The following LYPD6B variants were observed in gnomAD, a reference collection of about 807,000 sequenced individuals.
LYPD6B encodes the protein ly6/PLAUR domain-containing protein 6B.
Under a neutral mutation model 22.8 loss-of-function variants are expected in LYPD6B, and 17 were observed. The ratio of observed to expected loss-of-function variants is 0.75; its 90% CI spans 0.51 to 1.12. The LOEUF (loss-of-function observed/expected upper bound fraction) is 1.12, where lower values mean the gene tolerates loss of function less well. LYPD6B is among the 50% of genes most tolerant of loss of function. The probability of loss-of-function intolerance (pLI) is 0.00; values close to 1 mark genes in which losing one functional copy is unlikely to be tolerated. For missense variants in LYPD6B, 221 were observed against 258.3 expected (o/e 0.86, Z 0.99); for synonymous variants, 106 against 91.6 (o/e 1.16, Z -0.90).
intron 3 of LYPD6B, chr2:149,188,772 G>GTAGC (rs1692292840): frequency 1.6e-6 from 1 of 642,962 alleles, no homozygotes; most frequent in Non-Finnish European, 1.9e-6. Context: ...TTTCATGTGG[G>GTAGC]TAGCTAGTAT....
chr2:149,159,585 TGTGC>T (rs969930157), intron 2 of LYPD6B, among the ~76,000 whole-genome samples: 1 of 102,212 alleles, frequency 9.8e-6, no homozygotes, highest in African/African-American at 4.4e-5. Context: ...AGAGCATATG[TGTGC>T]GTGTGTGTGT....
intron 2 of LYPD6B, among the ~76,000 whole-genome samples, chr2:149,141,757 A>G (rs1559027612): frequency 6.6e-6 from 1 of 152,212 alleles, no homozygotes; most frequent in Non-Finnish European, 1.5e-5. Context: ...ATGGCTCAGA[A>G]CAACAGAAAT....
chr2:149,191,654 T>C (rs1056829643), intron 3 of LYPD6B, among the ~76,000 whole-genome samples: 2 of 152,182 alleles, frequency 1.3e-5, no homozygotes, highest in Admixed American at 6.5e-5. Flanking sequence ...CTCCAACTCA[T>C]ACTATATAAA....
At chr2:149,093,322 G>GTGGAGGAAAGGCC (rs1297626934) in intron 1 of LYPD6B, among the ~76,000 whole-genome samples, 6 of 152,202 alleles carry the variant, frequency 3.9e-5, no homozygotes, top group African/African-American at 1.4e-4. Flanking sequence ...AGATGCATAT[G>GTGGAGGAAAGGCC]TGGAGGAAAG....
intron 3 of LYPD6B, among the ~76,000 whole-genome samples, chr2:149,164,618 T>C (rs73963728): frequency 0.02 from 3,014 of 152,332 alleles, 105 homozygotes; most frequent in African/African-American, 0.068. Context: ...AAATCCTGTA[T>C]TCCCACGATA....
At chr2:149,182,655 C>A (rs1358468074) in intron 3 of LYPD6B, among the ~76,000 whole-genome samples, 1 of 152,182 alleles carries the variant, frequency 6.6e-6, no homozygotes, top group Non-Finnish European at 1.5e-5. Context: ...ATCAGCACTG[C>A]CTCTCTAAAG....
At chr2:149,053,276 C>G (rs1391229303) in intron 1 of LYPD6B, among the ~76,000 whole-genome samples, 4 of 152,134 alleles carry the variant, frequency 2.6e-5, no homozygotes, top group Non-Finnish European at 5.9e-5. Context: ...AACAGTATAT[C>G]ATAAACATAA....
At chr2:149,070,160 C>G (rs1387396962) in intron 1 of LYPD6B, among the ~76,000 whole-genome samples, 1 of 152,036 alleles carries the variant, frequency 6.6e-6, no homozygotes, top group African/African-American at 2.4e-5. Flanking sequence ...CCAGTGAGCA[C>G]CAGGCTTCAC....
At chr2:149,088,752 A>G (rs1356188675) in intron 1 of LYPD6B, among the ~76,000 whole-genome samples, 1 of 152,232 alleles carries the variant, frequency 6.6e-6, no homozygotes, top group Non-Finnish European at 1.5e-5. Context: ...CAATGACTAA[A>G]CAAAACGTTG....
chr2:149,152,319 T>C (rs1452176772), intron 2 of LYPD6B, among the ~76,000 whole-genome samples: 2 of 152,334 alleles, frequency 1.3e-5, no homozygotes, highest in South Asian at 4.1e-4. Flanking sequence ...TGCTAGATCA[T>C]GGGGTATGTA....
At chr2:149,189,742 G>A (rs1692375856) in intron 3 of LYPD6B, among the ~76,000 whole-genome samples, 1 of 152,128 alleles carries the variant, frequency 6.6e-6, no homozygotes, top group Non-Finnish European at 1.5e-5. Flanking sequence ...TTAGACAACT[G>A]TGAATGTGCT....
chr2:149,177,707 C>T (rs1691411966), intron 3 of LYPD6B, among the ~76,000 whole-genome samples: 1 of 152,150 alleles, frequency 6.6e-6, no homozygotes, highest in Non-Finnish European at 1.5e-5. Context: ...CAATGAGCAA[C>T]TTTAGCAGGC....
chr2:149,174,268 T>A (rs1375716727), intron 3 of LYPD6B, among the ~76,000 whole-genome samples: 1 of 152,226 alleles, frequency 6.6e-6, no homozygotes, highest in Admixed American at 6.5e-5. Flanking sequence ...GCTTATCAGC[T>A]AAAGAAGCTT....
chr2:149,140,449 G>A (rs1223405651), intron 2 of LYPD6B, among the ~76,000 whole-genome samples: 1 of 152,128 alleles, frequency 6.6e-6, no homozygotes, highest in African/African-American at 2.4e-5. Context: ...TCCAGAGAAG[G>A]TAAATGGGAG....
chr2:149,130,432 C>A (rs1242408514), intron 1 of LYPD6B, among the ~76,000 whole-genome samples: 1 of 152,008 alleles, frequency 6.6e-6, no homozygotes, highest in African/African-American at 2.4e-5. Flanking sequence ...CCAGGAGGGG[C>A]AAAAGCTAGT....
chr2:149,075,002 T>A (rs1237713106), intron 1 of LYPD6B, among the ~76,000 whole-genome samples: 1 of 152,206 alleles, frequency 6.6e-6, no homozygotes, highest in Admixed American at 6.5e-5. Context: ...CAGTCAGTGT[T>A]AATAATCTTA....
intron 1 of LYPD6B, among the ~76,000 whole-genome samples, chr2:149,109,076 A>C (rs1302453437): frequency 3.3e-5 from 5 of 152,198 alleles, no homozygotes; most frequent in African/African-American, 9.6e-5. Context: ...ATTTATTAAA[A>C]AGAGTTAAAT....
chr2:149,084,683 A>T (rs1225803633), intron 1 of LYPD6B, among the ~76,000 whole-genome samples: 1 of 152,248 alleles, frequency 6.6e-6, no homozygotes, highest in Non-Finnish European at 1.5e-5. Flanking sequence ...TTTAAAAAAC[A>T]TGAGTTCATT....
chr2:149,211,807 T>C (rs997478341), intron 5 of LYPD6B, among the ~76,000 whole-genome samples: 5 of 152,088 alleles, frequency 3.3e-5, no homozygotes, highest in African/African-American at 1.2e-4. Flanking sequence ...TGGCCTCTGG[T>C]ATAAAAGAGA....
Sources: allele counts gnomAD v4.1 joint callset (sites outside exome capture counted in the v4.1 genomes callset), GRCh38; gene constraint gnomAD v4.1.1; transcripts MANE v1.5; gene names NCBI Gene and HGNC (gene_info 2026-07-23, HGNC 2026-07-21).